Variants in KCTD1 observed in about 807,000 individuals in gnomAD.
The protein encoded by KCTD1 is BTB/POZ domain-containing protein KCTD1.
A neutral mutation model predicts 66.0 loss-of-function variants in KCTD1; 24 were observed. The ratio of observed to expected loss-of-function variants is 0.36; its 90% CI spans 0.26 to 0.51. KCTD1 has a LOEUF of 0.51. Ranked by LOEUF, KCTD1 falls within the 20% of genes least tolerant of loss-of-function variation. KCTD1 has a pLI of 0.95. For synonymous variants in KCTD1, 511 were observed against 517.2 expected (o/e 0.99, Z 0.16); for missense variants, 943 against 1,205.2 (o/e 0.78, Z 3.22).
At chr18:26,631,661 A>G (rs1987620360), upstream of KCTD1, among the ~76,000 whole-genome samples, 1 of 152,210 alleles carries the variant, frequency 6.6e-6, no homozygotes, top group South Asian at 2.1e-4. Context: ...GCTATTCCTA[A>G]TAAAATTCTA....
At chr18:26,657,151 C>T (rs1988172951) in intron 1 of KCTD1, among the ~76,000 whole-genome samples, 1 of 151,636 alleles carries the variant, frequency 6.6e-6, no homozygotes, top group Non-Finnish European at 1.5e-5. Flanking sequence ...AGCCGAGAAC[C>T]GGGAGCGGCA....
chr18:26,512,978 CA>C (rs200824933), intron 1 of KCTD1, among the ~76,000 whole-genome samples: 85 of 150,608 alleles, frequency 5.6e-4, no homozygotes, highest in African/African-American at 1.6e-3. Context: ...AAGACTGTCT[CA>C]AAAAAAAATT....
In KCTD1 at chr18:26,600,021, G is replaced by C. The variant is rs1181065405; in HGVS notation, c.-16+29126C>G. 7 of 1,611,462 alleles carry C rather than the reference G, an allele frequency of 4.3e-6. No homozygotes were observed. The East Asian group carries it at 1.6e-4, about 36-fold the overall frequency. ...GGACCCTCTCAGCCAACGATATGGA[G>C]GACGACAGCATGGATCTCATTGACT... On this transcript the variant is annotated intron_variant, in intron 1 of 4. Transcript: ENST00000317932.
chr18:26,508,038 A>T (rs575254987), intron 1 of KCTD1, among the ~76,000 whole-genome samples: 28 of 152,364 alleles, frequency 1.8e-4, no homozygotes, highest in African/African-American at 6.5e-4. Context: ...TTTACTGTTG[A>T]AATACTTACT....
chr18:26,644,215 T>G (rs1258445248), upstream of KCTD1, among the ~76,000 whole-genome samples: 1 of 152,082 alleles, frequency 6.6e-6, no homozygotes, highest in African/African-American at 2.4e-5. Flanking sequence ...GATGAATGGA[T>G]GGATGTTGTA....
rs1428664716 is a variant in KCTD1 at position 26,599,972 on chromosome 18, T to G, written c.-16+29175A>C. 11 of 1,609,022 alleles carry G rather than the reference T, an allele frequency of 6.8e-6. No homozygotes were observed. In the African/African-American group the frequency reaches 1.5e-4, roughly 22 times the overall value. ...TCTTCTCCTTCAGTGAAGCCTGCAGTGGACCCTGCTGCTGCCAAGCTGTGG... is the reference window on the plus strand; with the variant it reads ...TCTTCTCCTTCAGTGAAGCCTGCAGGGGACCCTGCTGCTGCCAAGCTGTGG... On this transcript the variant is annotated intron_variant, in intron 1 of 4. Transcript: ENST00000317932.
intron 1 of KCTD1, among the ~76,000 whole-genome samples, chr18:26,605,922 C>G (rs1048787907): frequency 6.6e-6 from 1 of 152,134 alleles, no homozygotes; most frequent in Non-Finnish European, 1.5e-5. Flanking sequence ...GCCTGTGACA[C>G]AGCCTCAAGA....
chr18:26,647,348 A>G (rs1171185002), intron 1 of KCTD1, among the ~76,000 whole-genome samples: 13 of 116,428 alleles, frequency 1.1e-4, no homozygotes, highest in African/African-American at 4.1e-4. Flanking sequence ...CCCCATCTCT[A>G]CTAAAAATAC....
In KCTD1 at chr18:26,532,257, CCTTCTTTTTT is replaced by C. The variant is rs1302189392; in HGVS notation, c.1809+14461_1809+14470del. 1.5e-4 allele frequency among the ~76,000 whole-genome samples: 19 copies of C among 128,208 alleles called. 1 individual carries two copies. The highest frequency in any genetic ancestry group is 2.7e-4 in the African/African-American group (8 of 29,670). 84.1% of individuals were successfully genotyped at this position (128,208 alleles called of 152,430 possible). A position where few individuals can be genotyped will look rare whatever the true frequency, so the allele number is the denominator to read the frequency against. ...TATTCTTTTTCTTTTTCTTTTCTTT[CCTTCTTTTTT>C]TTTTTTTTTTTTTTTTTTTTGAGAC... On this transcript the variant is annotated intron_variant, in intron 1 of 4. Transcript: ENST00000580059.
At chr18:26,616,785 T>C (rs1294589897) in intron 1 of KCTD1, among the ~76,000 whole-genome samples, 1 of 152,112 alleles carries the variant, frequency 6.6e-6, no homozygotes, top group Non-Finnish European at 1.5e-5. Flanking sequence ...TCCAGAGTGC[T>C]GGGATTACAA....
upstream of KCTD1, among the ~76,000 whole-genome samples, chr18:26,550,840 G>A (rs1985537800): frequency 1.3e-5 from 2 of 152,254 alleles, no homozygotes; most frequent in African/African-American, 4.8e-5. This position sits in a 1 kb window ranked among gnomAD's most constrained non-coding sequence, Gnocchi z 5.4. Flanking sequence ...AATTCCAGAG[G>A]GCTGGCCCTT....
chr18:26,591,875 G>C (rs1986613936), intron 1 of KCTD1, among the ~76,000 whole-genome samples: 2 of 152,174 alleles, frequency 1.3e-5, no homozygotes, highest in South Asian at 4.2e-4. Context: ...GTTAGACATG[G>C]AAGCATTTTT....
intron 1 of KCTD1, chr18:26,655,817 T>G (rs1229963681): frequency 6.6e-6 from 1 of 152,314 alleles, no homozygotes; most frequent in Non-Finnish European, 1.5e-5. Context: ...GGGGCGGCTG[T>G]GCGGAGCGCG....
At chr18:26,627,853 G>A (rs1987536295) in intron 1 of KCTD1, among the ~76,000 whole-genome samples, 1 of 152,172 alleles carries the variant, frequency 6.6e-6, no homozygotes, top group African/African-American at 2.4e-5. Context: ...AGCCATGACT[G>A]TACCTAGTTA....
chr18:26,609,461 G>A (rs1370718037), intron 1 of KCTD1, among the ~76,000 whole-genome samples: 6 of 152,128 alleles, frequency 3.9e-5, no homozygotes, highest in Admixed American at 6.5e-5. Context: ...CCATATTACC[G>A]GGTGATGGAC....
chr18:26,639,344 G>T (rs1408833699), intron 1 of KCTD1, among the ~76,000 whole-genome samples: 7 of 152,164 alleles, frequency 4.6e-5, no homozygotes, highest in Non-Finnish European at 8.8e-5. Context: ...TCTGGCTGAG[G>T]TCAGCAGATG....
upstream of KCTD1, among the ~76,000 whole-genome samples, chr18:26,551,674 A>G (rs574394606): frequency 2.2e-4 from 33 of 152,232 alleles, no homozygotes; most frequent in Non-Finnish European, 2.9e-4. Flanking sequence ...CTTAATTTTT[A>G]AAACCCAATA....
At chr18:26,508,257 T>A (rs1053199090) in intron 1 of KCTD1, among the ~76,000 whole-genome samples, 3 of 152,184 alleles carry the variant, frequency 2.0e-5, no homozygotes, top group Non-Finnish European at 2.9e-5. Flanking sequence ...TCCTAGCTGC[T>A]TCCCATAGCT....
chr18:26,540,932 G>A (rs556855343), intron 1 of KCTD1, among the ~76,000 whole-genome samples: 26 of 152,184 alleles, frequency 1.7e-4, no homozygotes, highest in Non-Finnish European at 3.7e-4. Flanking sequence ...GGGTGTGAAT[G>A]AGTCCAGATA....
Sources: allele counts gnomAD v4.1 joint callset (sites outside exome capture counted in the v4.1 genomes callset), GRCh38; gene constraint gnomAD v4.1.1; non-coding constraint Gnocchi (gnomAD v3.1); transcripts MANE v1.5; gene names NCBI Gene and HGNC (gene_info 2026-07-23, HGNC 2026-07-21).